Variants in ZNF148 observed in about 807,000 individuals in gnomAD.
ZNF148 encodes Beta-Enolase Repressor Factor-1.
In ZNF148, 7 loss-of-function variants were observed where a neutral mutation model predicts 67.7. That is an observed-to-expected ratio of 0.10 (90% CI 0.06 to 0.19). The LOEUF is 0.19. ZNF148 is among the 10% of genes least tolerant of loss of function. The pLI, the probability that ZNF148 is intolerant of heterozygous loss-of-function variation, is 1.00. For synonymous variants in ZNF148, 333 were observed against 330.7 expected (o/e 1.01, Z -0.08); for missense variants, 583 against 947.1 (o/e 0.62, Z 5.05).
At chr3:125,268,296 C>T (rs1334930957) in intron 7 of ZNF148, among the ~76,000 whole-genome samples, 1 of 145,094 alleles carries the variant, frequency 6.9e-6, no homozygotes, top group Non-Finnish European at 1.5e-5. Flanking sequence ...AGAACAAAAC[C>T]AGGACTTCAA....
intron 1 of ZNF148, among the ~76,000 whole-genome samples, chr3:125,335,458 A>C (rs1313385905): frequency 6.6e-6 from 1 of 152,216 alleles, no homozygotes; most frequent in African/African-American, 2.4e-5. Flanking sequence ...GGGGTTTGGC[A>C]ACATTACCTT....
Position 125,232,980 on chromosome 3 carries a change from G to A in ZNF148, c.1746C>T (p.Thr582=). ...SINSSEVPEV[T]PSENVGSSSQ... ...AGCTTGATCCAACATTCTCTGACGG[G>A]GTGACCTCTGGTACTTCTGAAGAAT... Residue 582 remains threonine (T), a synonymous_variant, in exon 9 of 9, where the codon ACC becomes ACT. Coordinates refer to ENST00000360647, the MANE Select transcript of ZNF148 (RefSeq NM_021964.3). The surrounding 1 kb of genome is among the most constrained non-coding windows in gnomAD (Gnocchi z 4.2). The A allele has an allele frequency of 1.2e-6, 2 of 1,613,750 alleles. No individual in the cohort carries two copies. Among genetic ancestry groups the A allele is most frequent in the Non-Finnish European group, 1.7e-6 (2 of 1,179,832 alleles).
intron 7 of ZNF148, among the ~76,000 whole-genome samples, chr3:125,257,695 C>T (rs908660696): frequency 6.6e-6 from 1 of 151,718 alleles, no homozygotes; most frequent in South Asian, 2.1e-4. Flanking sequence ...TGCTTCTTTT[C>T]CTTCCCATTT....
In ZNF148 at chr3:125,232,949, C is replaced by G. The variant is rs1372255125; in HGVS notation, c.1777G>C (p.Ala593Pro). The G allele has an allele frequency of 1.9e-6, 3 of 1,613,662 alleles. No homozygotes were observed. Among genetic ancestry groups the G allele is most frequent in the Non-Finnish European group, 1.7e-6 (2 of 1,179,816 alleles). Residue 593 changes from alanine (A) to proline (P), a missense_variant, in exon 9 of 9, where the codon GCA becomes CCA. Coordinates refer to ENST00000360647, the MANE Select transcript of ZNF148 (RefSeq NM_021964.3). The surrounding 1 kb of genome is among the most constrained non-coding windows in gnomAD (Gnocchi z 4.2). ...PSENVGSSSQ[A>P]SSSDKANMLQ... ...ATGTTGGCTTTATCTGATGAGGATG[C>G]TTGGGAGCTTGATCCAACATTCTCT...
At chr3:125,322,210 T>C (rs35430872) in intron 3 of ZNF148, among the ~76,000 whole-genome samples, 46,247 of 151,348 alleles carry the variant, frequency 0.31, 7,443 homozygotes, top group Middle Eastern at 0.42. Context: ...TTTTTGTATG[T>C]AGAGACAGGG....
At chr3:125,311,031 C>T (rs1213223397) in intron 4 of ZNF148, 2 of 204,928 alleles carry the variant, frequency 9.8e-6, no homozygotes, top group Admixed American at 4.5e-5. Context: ...GCTATGACCT[C>T]AACGGTGCCT....
chr3:125,346,785 T>C lies in ZNF148; in HGVS notation c.-233-15547A>G, dbSNP rs148070686. Among the ~76,000 whole-genome samples, 1,159 of 152,260 alleles carry C rather than the reference T, an allele frequency of 7.6e-3. 38 individuals are homozygous for C. Among genetic ancestry groups the C allele is most frequent in the East Asian group, 0.054 (282 of 5,180 alleles). ...CCAGCCAATTAAACCTCTTTATAAA[T>C]TACCCAGGCTTGGGTATTTCTTTAT... On this transcript the variant is annotated intron_variant, in intron 1 of 8. Transcript: ENST00000360647.
At chr3:125,367,905 A>G (rs1460304274) in intron 1 of ZNF148, among the ~76,000 whole-genome samples, 28 of 152,198 alleles carry the variant, frequency 1.8e-4, no homozygotes. Flanking sequence ...TCTACCAACA[A>G]ATGTGAATCT....
chr3:125,361,241 G>T (rs1370396167), intron 1 of ZNF148, among the ~76,000 whole-genome samples: 1 of 151,908 alleles, frequency 6.6e-6, no homozygotes, highest in African/African-American at 2.4e-5. Flanking sequence ...TGATAAAAAA[G>T]GACTTGCTGC....
intron 1 of ZNF148, among the ~76,000 whole-genome samples, chr3:125,349,915 A>G (rs1381828841): frequency 6.6e-6 from 1 of 152,240 alleles, no homozygotes; most frequent in Admixed American, 6.5e-5. Flanking sequence ...TCCAAAAGAA[A>G]GAAATCATTA....
intron 7 of ZNF148, among the ~76,000 whole-genome samples, chr3:125,237,310 A>T (rs1936135342): frequency 1.3e-5 from 2 of 152,192 alleles, no homozygotes; most frequent in African/African-American, 4.8e-5. Flanking sequence ...AGCTGGGTGC[A>T]GTGGCTCATG....
chr3:125,244,745 G>A (rs1394718326), intron 7 of ZNF148, among the ~76,000 whole-genome samples: 2 of 152,148 alleles, frequency 1.3e-5, no homozygotes, highest in Non-Finnish European at 2.9e-5. Flanking sequence ...TGATCTACCC[G>A]CCTTGCCCTC....
intron 5 of ZNF148, among the ~76,000 whole-genome samples, chr3:125,281,182 T>C (rs886786153): frequency 6.6e-6 from 1 of 152,236 alleles, no homozygotes. Context: ...ACCAAAGTCA[T>C]GGAAGGGAAA....
chr3:125,235,660 C>T (rs1033845027), intron 7 of ZNF148, among the ~76,000 whole-genome samples: 33 of 152,032 alleles, frequency 2.2e-4, no homozygotes, highest in African/African-American at 8.0e-4. Flanking sequence ...GAGTTGTTTA[C>T]TGCTGCACTA....
At chr3:125,357,746 C>G (rs1284098278) in intron 1 of ZNF148, 1 of 152,256 alleles carries the variant, frequency 6.6e-6, no homozygotes, top group Non-Finnish European at 1.5e-5. Flanking sequence ...CTCTACAAAC[C>G]AAGGCCTGTT....
chr3:125,328,169 A>AT (rs1428937958), intron 2 of ZNF148, among the ~76,000 whole-genome samples: 2 of 152,182 alleles, frequency 1.3e-5, no homozygotes, highest in Admixed American at 6.5e-5. Flanking sequence ...AAGTCAAAGT[A>AT]TAAGTTAGAG....
At chr3:125,321,310 T>C (rs1278220083) in intron 3 of ZNF148, among the ~76,000 whole-genome samples, 1 of 152,252 alleles carries the variant, frequency 6.6e-6, no homozygotes, top group Non-Finnish European at 1.5e-5. Flanking sequence ...TTTAAACAAA[T>C]ATCTATTTCA....
intron 4 of ZNF148, among the ~76,000 whole-genome samples, chr3:125,298,601 T>C (rs917398785): frequency 1.3e-5 from 2 of 151,408 alleles, no homozygotes; most frequent in Middle Eastern, 3.4e-3. Context: ...AAACAAAATA[T>C]TGTACATTTA....
chr3:125,271,073 T>G (rs1362841930), intron 7 of ZNF148, among the ~76,000 whole-genome samples: 3 of 152,222 alleles, frequency 2.0e-5, no homozygotes, highest in African/African-American at 7.2e-5. Flanking sequence ...ATTTTCTTCA[T>G]ATTAGTTATA....
Sources: allele counts gnomAD v4.1 joint callset (sites outside exome capture counted in the v4.1 genomes callset), GRCh38; gene constraint gnomAD v4.1.1; non-coding constraint Gnocchi (gnomAD v3.1); transcripts MANE v1.5; gene names NCBI Gene and HGNC (gene_info 2026-07-23, HGNC 2026-07-21).